Variants in MBTPS1 observed in about 807,000 individuals in gnomAD.
MBTPS1 encodes membrane-bound transcription factor site-1 protease.
Under a neutral mutation model 127.8 loss-of-function variants are expected in MBTPS1, and 94 were observed. The ratio of observed to expected loss-of-function variants is 0.74; its 90% CI spans 0.62 to 0.87. The LOEUF (loss-of-function observed/expected upper bound fraction) is 0.87, where lower values mean the gene tolerates loss of function less well. Among genes scored for constraint, MBTPS1 ranks in the 40% least tolerant of loss-of-function variants. The pLI is 0.00. For synonymous variants in MBTPS1, 632 were observed against 509.4 expected (o/e 1.24, Z -3.24); for missense variants, 1,636 against 1,353.2 (o/e 1.21, Z -3.28).
chr16:84,074,783 A>T, intron 11 of MBTPS1, 42 bp from the exon 12 acceptor site: 1 of 1,561,666 alleles, frequency 6.4e-7, no homozygotes, highest in East Asian at 2.3e-5. Context: ...CATATGAGAA[A>T]ACTACAATGA....
At chr16:84,098,008 T>G (rs2086201981) in intron 3 of MBTPS1, among the ~76,000 whole-genome samples, 1 of 152,156 alleles carries the variant, frequency 6.6e-6, no homozygotes, top group Non-Finnish European at 1.5e-5. Context: ...ACTAGAAATT[T>G]GTTAACCTGA....
intron 16 of MBTPS1, 133 bp from the exon 17 acceptor site, chr16:84,066,746 C>A: frequency 1.1e-6 from 1 of 883,048 alleles, no homozygotes; most frequent in Non-Finnish European, 1.7e-6. Flanking sequence ...TCAACTGAAA[C>A]CAACTGTCTG....
intron 10 of MBTPS1, among the ~76,000 whole-genome samples, chr16:84,083,802 TAGA>T (rs1369787375): frequency 6.6e-6 from 1 of 152,314 alleles, no homozygotes; most frequent in East Asian, 1.9e-4. Flanking sequence ...TTCATCTAGA[TAGA>T]AGAAGTACAA....
chr16:84,066,893 G>C (rs2085692576), intron 16 of MBTPS1, among the ~76,000 whole-genome samples: 1 of 152,174 alleles, frequency 6.6e-6, no homozygotes, highest in African/African-American at 2.4e-5. Context: ...ACCCAGCAAG[G>C]TTCAGTGAAG....
At chr16:84,089,161 G>A (rs1288034729) in intron 8 of MBTPS1, among the ~76,000 whole-genome samples, 1 of 152,258 alleles carries the variant, frequency 6.6e-6, no homozygotes, top group African/African-American at 2.4e-5. Flanking sequence ...AGAAACAGAA[G>A]GAGGACACTC....
At position 84,081,865 on chromosome 16, in the gene MBTPS1, G is replaced by C. The variant is rs374213122; in HGVS notation, c.1330C>G (p.Gln444Glu). The C allele has an allele frequency of 6.7e-7, 1 of 1,503,464 alleles. No individual in the cohort carries two copies. Among genetic ancestry groups the C allele is most frequent in the Non-Finnish European group, 8.9e-7 (1 of 1,125,236 alleles). 93.1% of individuals were successfully genotyped at this position (1,503,464 alleles called of 1,614,324 possible). ...CTCCGGGCTGACGCGATCAGGGCCT[G>C]CTTCATACTGGCGGGATTCACCAGC... is the stretch of plus-strand genomic sequence containing the variant. ...RELVNPASMK[Q>E]ALIASARRLP... The change falls in exon 11 of 23, where the codon CAG (glutamine) becomes GAG (glutamate). Residue 444 changes from glutamine to glutamate, a missense_variant. Coordinates refer to ENST00000343411, the MANE Select transcript of MBTPS1 (RefSeq NM_003791.4).
Position 84,095,718 on chromosome 16 carries a change from C to T in MBTPS1, c.509G>A (p.Gly170Asp), listed in dbSNP as rs749752600. Residue 170 changes from glycine (G) to aspartate (D), a missense_variant, in exon 4 of 23, where the codon GGC becomes GAC. Physicochemically the swap from Gly to Asp is moderately conservative, Grantham distance 94. Transcript: ENST00000343411. ...TCCCGTAGCATGCCAGAAGCCAGAGCCCAGGGAGAGGCTGGCTCTTCGCAG... is the reference window on the plus strand; with the variant it reads ...TCCCGTAGCATGCCAGAAGCCAGAGTCCAGGGAGAGGCTGGCTCTTCGCAG... Reference protein sequence around the residue: ...RPLRRASLSLGSGFWHATGRH... With the variant: ...RPLRRASLSLDSGFWHATGRH... The T allele has an allele frequency of 1.2e-6, 2 of 1,614,128 alleles. No individual in the cohort carries two copies. Among genetic ancestry groups the T allele is most frequent in the Admixed American group, 3.3e-5 (2 of 60,016 alleles).
intron 1 of MBTPS1, among the ~76,000 whole-genome samples, chr16:84,105,188 G>A (rs1455588222): frequency 1.3e-5 from 2 of 152,104 alleles, no homozygotes; most frequent in African/African-American, 4.8e-5. Flanking sequence ...TGTGGGGTAT[G>A]TGGAAAACAG....
Position 84,063,390 on chromosome 16 carries a change from T to C in MBTPS1, c.2487A>G (p.Gly829=). 6.2e-7 allele frequency: 1 copy of C among 1,614,112 alleles called. No individual in the cohort carries two copies. The highest frequency in any genetic ancestry group is 8.5e-7 in the Non-Finnish European group (1 of 1,179,980). ...CACCCTCAGCTGGAATCTGATAAAG[T>C]CCCAAAATGGGGACGTTTTCAACAA... ...TAVVENVPIL[G]LYQIPAEGGG... Residue 829 remains glycine, a synonymous_variant, in exon 19 of 23, where the codon GGA becomes GGG. Coordinates refer to ENST00000343411, the MANE Select transcript of MBTPS1 (RefSeq NM_003791.4).
chr16:84,070,298 T>C (rs1299659684), intron 13 of MBTPS1, among the ~76,000 whole-genome samples: 2 of 152,232 alleles, frequency 1.3e-5, no homozygotes, highest in South Asian at 2.1e-4. Flanking sequence ...CATTTCCTTT[T>C]AGAGAATGTA....
rs768708059 is a variant in MBTPS1 at position 84,099,066 on chromosome 16, G to A, written c.408C>T (p.Leu136=). The change falls in exon 3 of 23, where the codon CTC becomes CTT. Residue 136 remains leucine, a synonymous_variant. Coordinates refer to ENST00000343411, the MANE Select transcript of MBTPS1 (RefSeq NM_003791.4). ...VTPQRKVFRS[L]KYAESDPTVP... is the part of the protein sequence containing the mutation. ...CACAATACTCACATTCAGCATACTT[G>A]AGGGAACGAAAGACTTTTCGTTGGG... 1.7e-5 allele frequency: 28 copies of A among 1,613,984 alleles called. No individual in the cohort carries two copies. The highest frequency in any genetic ancestry group is 2.3e-5 in the Non-Finnish European group (27 of 1,180,024).
At chr16:84,060,482 C>T in intron 20 of MBTPS1, 200 bp downstream of exon 20, 1 of 561,518 alleles carries the variant, frequency 1.8e-6, no homozygotes, top group Non-Finnish European at 3.1e-6. Flanking sequence ...GGTCCTCGAT[C>T]ATGGCCCTCT....
At chr16:84,055,980 A>C in intron 22 of MBTPS1, 25 bp downstream of exon 22, 1 of 1,602,090 alleles carries the variant, frequency 6.2e-7, no homozygotes. Context: ...GACTGAGCAC[A>C]ATCACAAAGC....
intron 20 of MBTPS1, 69 bp downstream of exon 20, chr16:84,060,613 C>T (rs1451620731): frequency 5.1e-6 from 8 of 1,556,568 alleles, no homozygotes; most frequent in Non-Finnish European, 7.0e-6. Flanking sequence ...GGCACAGCCA[C>T]TGGCTGAAGT....
intron 1 of MBTPS1, among the ~76,000 whole-genome samples, chr16:84,109,759 C>G (rs2086374203): frequency 6.6e-6 from 1 of 152,210 alleles, no homozygotes. Context: ...CAAACTGGAT[C>G]CATCTGCTGT....
At chr16:84,078,283 G>A (rs78080678) in intron 11 of MBTPS1, among the ~76,000 whole-genome samples, 259 of 129,494 alleles carry the variant, frequency 2.0e-3, no homozygotes, top group East Asian at 0.019. Flanking sequence ...CTCTCAACCC[G>A]GACCAGCAGT....
intron 1 of MBTPS1, among the ~76,000 whole-genome samples, chr16:84,106,072 A>T (rs1326192599): frequency 6.6e-6 from 1 of 152,154 alleles, no homozygotes; most frequent in Non-Finnish European, 1.5e-5. Context: ...AGGCGGGTGG[A>T]TCACCTGAGG....
At chr16:84,102,361 C>A (rs1335465136) in intron 1 of MBTPS1, among the ~76,000 whole-genome samples, 1 of 152,024 alleles carries the variant, frequency 6.6e-6, no homozygotes, top group East Asian at 1.9e-4. Context: ...AAAGAGATAT[C>A]CTGGTTTTAA....
intron 9 of MBTPS1, chr16:84,086,182 A>G (rs1219550453): frequency 1.3e-5 from 2 of 152,266 alleles, no homozygotes; most frequent in East Asian, 3.8e-4. Context: ...GTGATGATGG[A>G]AGGACATTTC....
Sources: allele counts gnomAD v4.1 joint callset (sites outside exome capture counted in the v4.1 genomes callset), GRCh38; gene constraint gnomAD v4.1.1; transcripts MANE v1.5; gene names NCBI Gene and HGNC (gene_info 2026-07-23, HGNC 2026-07-21).